Variants in PLRG1 observed in about 807,000 individuals in gnomAD.
PLRG1 encodes pleiotropic regulator 1 (PRL1 homolog, Arabidopsis).
In PLRG1, 28 loss-of-function variants were observed where a neutral mutation model predicts 74.9. The ratio of observed to expected loss-of-function variants is 0.37; its 90% confidence interval spans 0.28 to 0.51. The LOEUF is 0.51. PLRG1 is among the 20% of genes least tolerant of loss of function. PLRG1 has a pLI of 0.91. For synonymous variants in PLRG1, 197 were observed against 212.4 expected (o/e 0.93, Z 0.63); for missense variants, 445 against 631.9 (o/e 0.70, Z 3.17).
rs544670490 is a variant in PLRG1, at chr4:154,536,582, T to C, written c.*103A>G. The stretch of plus-strand genomic sequence containing the variant: ...GAAGCAAGTGAATTTCTCCTTTATA[T>C]TCCCAGCCAGAGCACAAAATGACTG... On this transcript the variant is annotated 3_prime_UTR_variant, in exon 15 of 15. Transcript: ENST00000499023. 173 of 676,628 alleles carry C rather than the reference T, an allele frequency of 2.6e-4. 1 individual carries two copies. In the African/African-American group the frequency reaches 3.0e-3, roughly 12 times the overall value. The allele number at this position is 676,628 out of a possible 1,614,324, so 41.9% of individuals were successfully genotyped here. A position where few individuals can be genotyped will look rare whatever the true frequency, so the allele number is the denominator to read the frequency against.
At chr4:154,538,714 C>G (rs1729500595) in intron 12 of PLRG1, among the ~76,000 whole-genome samples, 2 of 152,012 alleles carry the variant, frequency 1.3e-5, no homozygotes, top group African/African-American at 4.8e-5. Context: ...GTTCACGGTT[C>G]TTATTATTTC....
At position 154,536,856 on chromosome 4, in the gene PLRG1, C is replaced by T. The variant is rs11945075; in HGVS notation, c.1486-112G>A. ...TAACATTATTCATTGGCTTTATACA[C>T]TTAGTTCTTTGACAGTTTTAGGAAG... On this transcript the variant is annotated intron_variant, in intron 14 of 14. Transcript: ENST00000499023. 9.0e-3 allele frequency: 5,492 copies of T among 609,434 alleles called. 197 individuals carry two copies. Among genetic ancestry groups the T allele is most frequent in the African/African-American group, 0.088 (4,626 of 52,616 alleles). 37.8% of individuals were successfully genotyped at this position (609,434 alleles called of 1,614,324 possible). A position where few individuals can be genotyped will look rare whatever the true frequency, so the allele number is the denominator to read the frequency against.
chr4:154,546,283 T>C (rs1204204060), intron 4 of PLRG1, 70 bp from the exon 5 acceptor site: 1 of 799,506 alleles, frequency 1.3e-6, no homozygotes, highest in Non-Finnish European at 2.2e-6. Context: ...TAAAATAAAA[T>C]GATGAAGGAA....
intron 8 of PLRG1, among the ~76,000 whole-genome samples, chr4:154,541,600 T>C (rs566871383): frequency 1.6e-3 from 247 of 152,270 alleles, no homozygotes; most frequent in Admixed American, 2.8e-3. Context: ...TGTCCAGTAA[T>C]AGGAAAACAG....
intron 2 of PLRG1, among the ~76,000 whole-genome samples, 187 bp downstream of exon 2, chr4:154,548,642 T>C (rs936771200): frequency 1.3e-5 from 2 of 152,014 alleles, no homozygotes; most frequent in Non-Finnish European, 2.9e-5. Flanking sequence ...AATTAATTAA[T>C]GGAACTTTTA....
chr4:154,543,013 CACAATAG>C, intron 7 of PLRG1, among the ~76,000 whole-genome samples: 1 of 152,180 alleles, frequency 6.6e-6, no homozygotes, highest in Non-Finnish European at 1.5e-5. Context: ...AGCTTGGTAG[CACAATAG>C]AGTGACTACA....
In PLRG1 at chr4:154,550,289, T is replaced by C. The variant is rs534606242; in HGVS notation, c.9+11A>G. 5.0e-6 allele frequency: 8 copies of C among 1,612,784 alleles called. No individual in the cohort carries two copies. The African/African-American group carries it at 1.1e-4, about 21-fold the overall frequency. On this transcript the variant is annotated intron_variant, in intron 1 of 14. Transcript: ENST00000499023. ...GACAAACGACTCTTGAGAGCCCCAG[T>C]GTCACTTTACCTCGACCATGATGCT...
chr4:154,548,748 A>G, intron 2 of PLRG1, 81 bp downstream of exon 2: 1 of 726,378 alleles, frequency 1.4e-6, no homozygotes, highest in East Asian at 2.6e-5. Flanking sequence ...TTATCTTTAA[A>G]GGACTCCCTC....
chr4:154,548,544 G>A (rs1030124035), intron 2 of PLRG1, among the ~76,000 whole-genome samples: 17 of 152,030 alleles, frequency 1.1e-4, no homozygotes, highest in African/African-American at 2.9e-4. Flanking sequence ...TGAGAGCAGC[G>A]GGAAGCTGAA....
intron 1 of PLRG1, 38 bp downstream of exon 1, chr4:154,550,262 G>C (rs1456817314): frequency 6.9e-6 from 11 of 1,591,934 alleles, no homozygotes; most frequent in African/African-American, 1.3e-5. Context: ...AAACAGTCCA[G>C]AGACAAACGA....
chr4:154,541,017 T>A, intron 8 of PLRG1, 83 bp from the exon 9 acceptor site: 1 of 1,027,156 alleles, frequency 9.7e-7, no homozygotes, highest in Non-Finnish European at 1.4e-6. Flanking sequence ...AAAACTGAGC[T>A]TTCAAAGACA....
rs1194826558 is a variant in PLRG1 at position 154,537,950 on chromosome 4, T to C, written c.1291+19A>G. The C allele has an allele frequency of 2.2e-6, 3 of 1,348,718 alleles. No individual in the cohort carries two copies. In the African/African-American group the frequency reaches 4.4e-5, roughly 20 times the overall value. 83.5% of individuals were successfully genotyped at this position (1,348,718 alleles called of 1,614,324 possible). A position where few individuals can be genotyped will look rare whatever the true frequency, so the allele number is the denominator to read the frequency against. The stretch of plus-strand genomic sequence containing the variant: ...AAAATAACAGACTAAACATATTTAT[T>C]ATAAAAATCTTATTTTACCTCCAGA... On this transcript the variant is annotated intron_variant, in intron 13 of 14. Coordinates refer to ENST00000499023, the MANE Select transcript of PLRG1 (RefSeq NM_002669.4).
At chr4:154,539,289 A>G (rs1219925780) in intron 11 of PLRG1, 76 bp from the exon 12 acceptor site, 2 of 905,800 alleles carry the variant, frequency 2.2e-6, no homozygotes, top group African/African-American at 1.6e-5. Context: ...AATACAAAGC[A>G]TTCTTCCAAA....
Position 154,550,322 on chromosome 4 carries a change from A to C in PLRG1, c.-14T>G, listed in dbSNP as rs939299984. 3.7e-6 allele frequency: 6 copies of C among 1,612,684 alleles called. No homozygotes were observed. The African/African-American group carries it at 8.0e-5, about 22-fold the overall frequency. On this transcript the variant is annotated 5_prime_UTR_variant, in exon 1 of 15. Coordinates refer to ENST00000499023, the MANE Select transcript of PLRG1 (RefSeq NM_002669.4). Reference sequence around the variant, plus strand: ...TACCTCGACCATGATGCTACCGTGTATCCCACCTCCGGCAGGGAAGAAACT... The same window carrying C: ...TACCTCGACCATGATGCTACCGTGTCTCCCACCTCCGGCAGGGAAGAAACT...
Position 154,550,351 on chromosome 4 carries a change from A to C in PLRG1, c.-43T>G, listed in dbSNP as rs777746567. The C allele has an allele frequency of 1.2e-6, 2 of 1,601,308 alleles. No individual in the cohort carries two copies. ...CACCTCCGGCAGGGAAGAAACTCTAATCACTAACGCAGTACCCGCCGCCAC... is the reference window on the plus strand; with the variant it reads ...CACCTCCGGCAGGGAAGAAACTCTACTCACTAACGCAGTACCCGCCGCCAC... On this transcript the variant is annotated 5_prime_UTR_variant, in exon 1 of 15. Coordinates refer to ENST00000499023, the MANE Select transcript of PLRG1 (RefSeq NM_002669.4).
Position 154,547,070 on chromosome 4 carries a change from A to G in PLRG1, c.260-6T>C. 6.2e-7 allele frequency: 1 copy of G among 1,607,646 alleles called. No individual in the cohort carries two copies. Among genetic ancestry groups the G allele is most frequent in the East Asian group, 2.2e-5 (1 of 44,822 alleles). Reference sequence around the variant, plus strand: ...AAAGTATTCAACTTCTTGTCCTAAAAAAACACAAAAAAAATCAACAGTAGT... The same window carrying G: ...AAAGTATTCAACTTCTTGTCCTAAAGAAACACAAAAAAAATCAACAGTAGT... On this transcript the variant is annotated splice_polypyrimidine_tract_variant and splice_region_variant and intron_variant, in intron 3 of 14. Transcript: ENST00000499023.
In PLRG1 at chr4:154,535,338, T is replaced by C. The variant is rs1252608351; in HGVS notation, c.*1347A>G. 1 of 151,898 alleles carries C rather than the reference T, an allele frequency of 6.6e-6. No homozygotes were observed. The highest frequency in any genetic ancestry group is 2.4e-5 in the African/African-American group (1 of 41,352). 9.4% of individuals were successfully genotyped at this position (151,898 alleles called of 1,614,324 possible). A position where few individuals can be genotyped will look rare whatever the true frequency, so the allele number is the denominator to read the frequency against. ...ACAGGGCATTTGGGCTAGTTTTAAG[T>C]ATTAAAGAACAAAGGTGCAATGACT... On this transcript the variant is annotated 3_prime_UTR_variant, in exon 15 of 15. Coordinates refer to ENST00000499023, the MANE Select transcript of PLRG1 (RefSeq NM_002669.4).
intron 5 of PLRG1, 70 bp from the exon 6 acceptor site, chr4:154,545,993 T>C (rs2111108737): frequency 8.7e-7 from 1 of 1,150,436 alleles, no homozygotes; most frequent in South Asian, 1.4e-5. Flanking sequence ...AAACTAACCC[T>C]TTATTTTAAA....
intron 6 of PLRG1, 82 bp downstream of exon 6, chr4:154,545,754 T>C: frequency 1.3e-6 from 1 of 773,378 alleles, no homozygotes; most frequent in Non-Finnish European, 2.2e-6. Flanking sequence ...CTGCTATTTA[T>C]CTTAATAATT....
Sources: allele counts gnomAD v4.1 joint callset (sites outside exome capture counted in the v4.1 genomes callset), GRCh38; gene constraint gnomAD v4.1.1; transcripts MANE v1.5; gene names NCBI Gene and HGNC (gene_info 2026-07-23, HGNC 2026-07-21).